The following DAB1 variants were observed in gnomAD, a reference collection of about 807,000 sequenced individuals.
DAB1 encodes disabled homolog 1.
A neutral mutation model predicts 64.6 loss-of-function variants in DAB1; 15 were observed. The observed-to-expected ratio is 0.23, with a 90% confidence interval of 0.16 to 0.36. DAB1 has a LOEUF of 0.36. Ranked by LOEUF, DAB1 falls within the 10% of genes least tolerant of loss-of-function variation. DAB1 has a pLI of 1.00. For synonymous variants in DAB1, 235 were observed against 251.9 expected, an observed-to-expected ratio of 0.93 and a Z score of 0.64; for missense variants, 596 against 706.7, an observed-to-expected ratio of 0.84 and a Z score of 1.78.
intron 7 of DAB1, among the ~76,000 whole-genome samples, chr1:57,624,575 G>C (rs926974918): frequency 1.3e-5 from 2 of 152,148 alleles, no homozygotes; most frequent in South Asian, 2.1e-4. Flanking sequence ...CCTCTATTTG[G>C]AGAATTAGGT....
chr1:57,359,517 G>C (rs1176572255), intron 1 of DAB1, among the ~76,000 whole-genome samples: 2 of 152,142 alleles, frequency 1.3e-5, no homozygotes, highest in Middle Eastern at 3.4e-3. Flanking sequence ...AGCCATTGTG[G>C]AAAACAGTAT....
chr1:58,377,708 T>C lies in DAB1; in HGVS notation n.258-34305A>G, dbSNP rs561085239. On this transcript the variant is annotated intron_variant and non_coding_transcript_variant, in intron 3 of 20. Coordinates refer to the DAB1 transcript ENST00000485760. ...TCTTTGTGGTGTTCTCTGTATTTCC[T>C]GAATCTGAACGTTGGCCTGCCTTGC... Among the ~76,000 whole-genome samples, 26 of 139,610 alleles carry C rather than the reference T, an allele frequency of 1.9e-4. 3 individuals are homozygous for C. In the South Asian group the frequency reaches 5.5e-3, roughly 30 times the overall value. The allele number at this position is 139,610 out of a possible 152,430, so 91.6% of individuals were successfully genotyped here.
At position 58,478,807 on chromosome 1, in the gene DAB1, CCTAACAA is replaced by C. The variant is rs763918286; in HGVS notation, n.257+27246_257+27252del. On this transcript the variant is annotated intron_variant and non_coding_transcript_variant, in intron 3 of 20. Transcript: ENST00000485760. ...GCCTTGGATTTATTAGCATCATGCT[CCTAACAA>C]CTAAGTTAACCAGCCTATCATCTAA... is the stretch of plus-strand genomic sequence containing the variant. 1.6e-3 allele frequency among the ~76,000 whole-genome samples: 238 copies of C among 152,266 alleles called. 1 individual carries two copies. The highest frequency in any genetic ancestry group is 3.9e-3 in the Admixed American group (60 of 15,286).
intron 3 of DAB1, among the ~76,000 whole-genome samples, chr1:58,372,687 C>G (rs191909239): frequency 6.6e-6 from 1 of 152,166 alleles, no homozygotes; most frequent in South Asian, 2.1e-4. Context: ...GAGGGAGGAA[C>G]CTGGTGTGGG....
At chr1:57,262,023 G>A (rs1670220814) in intron 2 of DAB1, among the ~76,000 whole-genome samples, 1 of 152,148 alleles carries the variant, frequency 6.6e-6, no homozygotes, top group South Asian at 2.1e-4. Context: ...GAGGAGGGAG[G>A]AGAGAAGAAG....
chr1:57,731,667 T>TA (rs1458581127), intron 6 of DAB1, among the ~76,000 whole-genome samples: 1 of 151,924 alleles, frequency 6.6e-6, no homozygotes, highest in African/African-American at 2.4e-5. Flanking sequence ...TAGCCAGGCA[T>TA]GGTGGTGCAT....
At chr1:58,387,939 G>A (rs1644447326) in intron 3 of DAB1, among the ~76,000 whole-genome samples, 1 of 151,976 alleles carries the variant, frequency 6.6e-6, no homozygotes, top group Non-Finnish European at 1.5e-5. Context: ...ATGTTAGCCA[G>A]GATGGTCTTT....
intron 2 of DAB1, among the ~76,000 whole-genome samples, chr1:57,234,205 A>G (rs909337440): frequency 6.6e-6 from 1 of 152,232 alleles, no homozygotes; most frequent in Non-Finnish European, 1.5e-5. Context: ...GTACTTTAAA[A>G]GCATTCATGA....
intron 2 of DAB1, among the ~76,000 whole-genome samples, chr1:57,170,908 A>G (rs1661689597): frequency 6.6e-6 from 1 of 152,092 alleles, no homozygotes; most frequent in Admixed American, 6.5e-5. Context: ...GAATTTTGCA[A>G]CCTGCAGGTG....
intron 1 of DAB1, among the ~76,000 whole-genome samples, chr1:57,883,416 G>A (rs1327304093): frequency 6.6e-6 from 1 of 152,142 alleles, no homozygotes; most frequent in African/African-American, 2.4e-5. Flanking sequence ...AGACTGCATT[G>A]TATTCTTAAA....
At chr1:57,883,442 C>A (rs1268751280) in intron 1 of DAB1, among the ~76,000 whole-genome samples, 2 of 152,140 alleles carry the variant, frequency 1.3e-5, no homozygotes, top group East Asian at 3.9e-4. Context: ...CCTGAAATAG[C>A]CACACGATGA....
intron 4 of DAB1, among the ~76,000 whole-genome samples, chr1:58,172,451 G>C (rs1342848866): frequency 6.6e-6 from 1 of 152,198 alleles, no homozygotes; most frequent in Non-Finnish European, 1.5e-5. Flanking sequence ...AGGTGTCAAA[G>C]GAAGTTTATG....
chr1:57,256,887 G>C (rs1264172106), intron 2 of DAB1, among the ~76,000 whole-genome samples: 2 of 152,212 alleles, frequency 1.3e-5, no homozygotes, highest in Non-Finnish European at 2.9e-5. Flanking sequence ...AGTAAGCCCT[G>C]GCAGTCTAGC....
chr1:57,368,018 G>A (rs908826016), intron 1 of DAB1, among the ~76,000 whole-genome samples: 18 of 152,162 alleles, frequency 1.2e-4, no homozygotes, highest in African/African-American at 3.6e-4. Context: ...CTGCTCCCAT[G>A]GCCTGGCTTC....
intron 5 of DAB1, among the ~76,000 whole-genome samples, chr1:58,067,105 A>G (rs1299116499): frequency 6.6e-6 from 1 of 152,200 alleles, no homozygotes; most frequent in African/African-American, 2.4e-5. Flanking sequence ...CCCTCTTGTT[A>G]TTCTCTCCTA....
At chr1:58,058,402 A>G (rs1648277686) in intron 5 of DAB1, among the ~76,000 whole-genome samples, 1 of 152,152 alleles carries the variant, frequency 6.6e-6, no homozygotes, top group South Asian at 2.1e-4. Context: ...TCAGTTTCCA[A>G]GTGCAAATCC....
chr1:57,930,263 C>A (rs1644935760), intron 5 of DAB1, among the ~76,000 whole-genome samples: 1 of 152,174 alleles, frequency 6.6e-6, no homozygotes, highest in African/African-American at 2.4e-5. Flanking sequence ...TTCACCAGTA[C>A]CATACTGTCT....
intron 7 of DAB1, among the ~76,000 whole-genome samples, chr1:57,488,134 C>T (rs117187363): frequency 9.9e-5 from 15 of 152,068 alleles, no homozygotes; most frequent in African/African-American, 2.7e-4. Context: ...CCAGACACGG[C>T]GGCTCACACC....
intron 4 of DAB1, among the ~76,000 whole-genome samples, chr1:57,105,564 C>T (rs1385762375): frequency 1.3e-5 from 2 of 152,166 alleles, no homozygotes; most frequent in African/African-American, 2.4e-5. Context: ...GAGCCATTCA[C>T]GATGCAGAGA....
Sources: allele counts gnomAD v4.1 joint callset (sites outside exome capture counted in the v4.1 genomes callset), GRCh38; gene constraint gnomAD v4.1.1; transcripts MANE v1.5; gene names NCBI Gene and HGNC (gene_info 2026-07-23, HGNC 2026-07-21).